Variants in SIN3B observed in about 807,000 individuals in gnomAD.
The protein encoded by SIN3B is SIN3 transcription regulator family member B, also known as paired amphipathic helix protein Sin3b.
In SIN3B, 19 loss-of-function variants were observed where a neutral mutation model predicts 120.2. The observed-to-expected ratio is 0.16, with a 90% CI of 0.11 to 0.23. SIN3B has a LOEUF of 0.23. Ranked by LOEUF, SIN3B falls within the 10% of genes least tolerant of loss-of-function variation. The pLI is 1.00. For synonymous variants in SIN3B, 654 were observed against 653.2 expected, an observed-to-expected ratio of 1.00 and a Z score of -0.02; for missense variants, 1,073 against 1,573.0, an observed-to-expected ratio of 0.68 and a Z score of 5.38.
At chr19:16,829,712 C>T in intron 1 of SIN3B, 79 bp from the exon 2 acceptor site, 1 of 1,411,402 alleles carries the variant, frequency 7.1e-7, no homozygotes, top group Non-Finnish European at 9.9e-7. Context: ...CCAGCCCATC[C>T]CCTTCCCCTC....
At position 16,862,852 on chromosome 19, in the gene SIN3B, G is replaced by A. The variant is rs901012835; in HGVS notation, c.1266+293G>A. The A allele has an allele frequency of 2.7e-5, 42 of 1,528,918 alleles. No individual in the cohort carries two copies. Among genetic ancestry groups the A allele is most frequent in the Non-Finnish European group, 3.3e-5 (36 of 1,102,598 alleles). 94.7% of individuals were successfully genotyped at this position (1,528,918 alleles called of 1,614,324 possible). On this transcript the variant is annotated intron_variant, in intron 9 of 18. Transcript: ENST00000248054. The surrounding 1 kb of genome is among the most constrained non-coding windows in gnomAD (Gnocchi z 4.7). ...TGCTGCCATGATTCTGCTCTGTCCC[G>A]GGCTCACTGACCTCAGTGTGTTTCT... is the stretch of plus-strand genomic sequence containing the variant.
intron 10 of SIN3B, among the ~76,000 whole-genome samples, chr19:16,864,935 A>C (rs1214227333): frequency 6.6e-6 from 1 of 151,932 alleles, no homozygotes; most frequent in African/African-American, 2.4e-5. Context: ...CCTGGGTTCA[A>C]GCGATTCTCC....
Position 16,876,336 on chromosome 19 carries a change from G to T in SIN3B, c.2766+108G>T. 2 of 1,415,988 alleles carry T rather than the reference G, an allele frequency of 1.4e-6. No individual in the cohort carries two copies. Among genetic ancestry groups the T allele is most frequent in the African/African-American group, 1.4e-5 (1 of 71,278 alleles). The allele number at this position is 1,415,988 out of a possible 1,614,324, so 87.7% of individuals were successfully genotyped here. A position where few individuals can be genotyped will look rare whatever the true frequency, so the allele number is the denominator to read the frequency against. On this transcript the variant is annotated intron_variant, in intron 15 of 18. Coordinates refer to ENST00000248054, the MANE Select transcript of SIN3B (RefSeq NM_001297595.2). The surrounding 1 kb of genome is among the most constrained non-coding windows in gnomAD (Gnocchi z 7.1). ...GTTCAGCGGCTGGGACACCGGCCCT[G>T]CTGCAGAGCCCATGAGGTACCTTTG...
At chr19:16,832,930 T>C (rs1426164031) in intron 3 of SIN3B, among the ~76,000 whole-genome samples, 1 of 152,184 alleles carries the variant, frequency 6.6e-6, no homozygotes, top group Non-Finnish European at 1.5e-5. Flanking sequence ...TCAACACTAT[T>C]TCCCATTTAA....
intron 8 of SIN3B, chr19:16,855,461 G>T (rs780834108): frequency 1.3e-5 from 2 of 148,848 alleles, no homozygotes; most frequent in Admixed American, 6.8e-5. Context: ...GGTGGCTCGT[G>T]TGTAATCCCA....
chr19:16,845,637 C>T (rs1971469432), intron 4 of SIN3B, among the ~76,000 whole-genome samples: 1 of 152,240 alleles, frequency 6.6e-6, no homozygotes, highest in Admixed American at 6.5e-5. Flanking sequence ...CCTCTTCTGT[C>T]TGTGTAGTCA....
Position 16,876,509 on chromosome 19 carries a change from G to A in SIN3B, c.2790G>A (p.Gly930=). The change falls in exon 16 of 19, where the codon GGG becomes GGA. Residue 930 remains glycine, a synonymous_variant. Coordinates refer to ENST00000248054, the MANE Select transcript of SIN3B (RefSeq NM_001297595.2). This position sits in a 1 kb window ranked among gnomAD's most constrained non-coding sequence, Gnocchi z 7.1. ...AGGTGATGTTCCTGCAGCGCAAAGG[G>A]CAGGTGATCATGACCATCGAGCTCC... The part of the protein sequence containing the change: ...CFKVMFLQRK[G]QVIMTIELLD... The A allele has an allele frequency of 6.2e-7, 1 of 1,613,402 alleles. No individual in the cohort carries two copies. Among genetic ancestry groups the A allele is most frequent in the Non-Finnish European group, 8.5e-7 (1 of 1,179,918 alleles).
At position 16,870,029 on chromosome 19, in the gene SIN3B, G is replaced by A; in HGVS notation, c.2376G>A (p.Arg792=). The A allele has an allele frequency of 6.2e-7, 1 of 1,611,062 alleles. No homozygotes were observed. Among genetic ancestry groups the A allele is most frequent in the Non-Finnish European group, 8.5e-7 (1 of 1,178,336 alleles). Residue 792 remains arginine (R), a synonymous_variant, in exon 13 of 19, where the codon AGG becomes AGA. Transcript: ENST00000248054. ...AGAAGCTGCTGTGTGAGGGCCGCAG[G>A]GAGAAGGGCAGCGACCCCGCCATGG... is the stretch of plus-strand genomic sequence containing the variant. The part of the protein sequence containing the change: ...EREKLLCEGR[R]EKGSDPAMEL...
In SIN3B at chr19:16,850,606, G is replaced by C. The variant is rs139576511; in HGVS notation, c.727-806G>C. Reference sequence around the variant, plus strand: ...GTCTTTGGGGGTGTCTTTGCATCCAGGTCCTGTGGTGGCAGGGGAAGGCGG... The same window carrying C: ...GTCTTTGGGGGTGTCTTTGCATCCACGTCCTGTGGTGGCAGGGGAAGGCGG... On this transcript the variant is annotated intron_variant, in intron 5 of 18. Coordinates refer to ENST00000248054, the MANE Select transcript of SIN3B (RefSeq NM_001297595.2). Among the ~76,000 whole-genome samples the C allele has an allele frequency of 8.5e-3, 1,297 of 152,226 alleles. 15 individuals are homozygous for C. Among genetic ancestry groups the C allele is most frequent in the African/African-American group, 0.03 (1,237 of 41,544 alleles).
intron 12 of SIN3B, 135 bp from the exon 13 acceptor site, chr19:16,869,325 T>C (rs1467320181): frequency 8.5e-7 from 1 of 1,175,228 alleles, no homozygotes; most frequent in Admixed American, 2.7e-5. Flanking sequence ...GCCTCACCGA[T>C]GTTCGCCACC....
At position 16,879,260 on chromosome 19, in the gene SIN3B, TG is replaced by T. The variant is rs1336187515; in HGVS notation, c.*535del. On this transcript the variant is annotated 3_prime_UTR_variant, in exon 19 of 19. Transcript: ENST00000248054. ...GGTTTGGGCATCAGCTCTGCCTGGCTGGTGTTCAGGCCCTCAGTCACTTTGG... is the reference window on the plus strand; with the variant it reads ...GGTTTGGGCATCAGCTCTGCCTGGCTGTGTTCAGGCCCTCAGTCACTTTGG... 1.3e-5 allele frequency: 2 copies of T among 155,572 alleles called. No homozygotes were observed. The highest frequency in any genetic ancestry group is 4.8e-5 in the African/African-American group (2 of 41,502). The allele number at this position is 155,572 out of a possible 1,614,324, so 9.6% of individuals were successfully genotyped here.
intron 10 of SIN3B, 46 bp from the exon 11 acceptor site, chr19:16,865,364 C>CT (rs780261123): frequency 1.6e-6 from 2 of 1,280,930 alleles, no homozygotes; most frequent in East Asian, 6.4e-5. Flanking sequence ...TCTGAGGCCT[C>CT]TTGAGTTCCC....
rs561744282 is a variant in SIN3B at position 16,878,176 on chromosome 19, C to T, written c.2955-7C>T. 2.1e-4 allele frequency: 332 copies of T among 1,556,768 alleles called. 1 individual carries two copies. In the South Asian group the frequency reaches 3.7e-3, roughly 18 times the overall value. Reference sequence around the variant, plus strand: ...CCAGAGTCCATTCCACCTCCTTTCGCCCCCAGGAACCTCAAGAAGTTCCGC... The same window carrying T: ...CCAGAGTCCATTCCACCTCCTTTCGTCCCCAGGAACCTCAAGAAGTTCCGC... On this transcript the variant is annotated splice_polypyrimidine_tract_variant and splice_region_variant and intron_variant, in intron 17 of 18. Coordinates refer to ENST00000248054, the MANE Select transcript of SIN3B (RefSeq NM_001297595.2).
chr19:16,871,158 A>T, intron 13 of SIN3B, 71 bp from the exon 14 acceptor site: 1 of 1,593,772 alleles, frequency 6.3e-7, no homozygotes, highest in Non-Finnish European at 8.6e-7. Flanking sequence ...GGGCTCTGTC[A>T]TGCCAGAGTT....
rs568857647 is a variant in SIN3B at position 16,879,163 on chromosome 19, G to A, written c.*436G>A. On this transcript the variant is annotated 3_prime_UTR_variant, in exon 19 of 19. Transcript: ENST00000248054. ...GAGACCCTGACAAGGAAGGAGTTGAGCCCTGGGTAGGCTTGCTTGAAAAGT... is the reference window on the plus strand; with the variant it reads ...GAGACCCTGACAAGGAAGGAGTTGAACCCTGGGTAGGCTTGCTTGAAAAGT... The A allele has an allele frequency of 2.1e-5, 4 of 191,158 alleles. No homozygotes were observed. In the East Asian group the frequency reaches 5.9e-4, roughly 28 times the overall value. The allele number at this position is 191,158 out of a possible 1,614,324, so 11.8% of individuals were successfully genotyped here. A position where few individuals can be genotyped will look rare whatever the true frequency, so the allele number is the denominator to read the frequency against.
At chr19:16,858,783 C>T (rs868537967) in intron 8 of SIN3B, among the ~76,000 whole-genome samples, 1 of 152,060 alleles carries the variant, frequency 6.6e-6, no homozygotes. Flanking sequence ...AACCCCTTCT[C>T]TACTAAAAAT....
At position 16,862,736 on chromosome 19, in the gene SIN3B, G is replaced by A; in HGVS notation, c.1266+177G>A. 2 of 958,766 alleles carry A rather than the reference G, an allele frequency of 2.1e-6. No homozygotes were observed. The highest frequency in any genetic ancestry group is 1.4e-5 in the South Asian group (1 of 69,262). 59.4% of individuals were successfully genotyped at this position (958,766 alleles called of 1,614,324 possible). A position where few individuals can be genotyped will look rare whatever the true frequency, so the allele number is the denominator to read the frequency against. Reference sequence around the variant, plus strand: ...AAACCACCTGAGCAGAGACAACAGTGTTGTACCCTGCTGGTAGTTTTGGCA... The same window carrying A: ...AAACCACCTGAGCAGAGACAACAGTATTGTACCCTGCTGGTAGTTTTGGCA... On this transcript the variant is annotated intron_variant, in intron 9 of 18. Coordinates refer to ENST00000248054, the MANE Select transcript of SIN3B (RefSeq NM_001297595.2). The surrounding 1 kb of genome is among the most constrained non-coding windows in gnomAD (Gnocchi z 4.7).
intron 3 of SIN3B, among the ~76,000 whole-genome samples, chr19:16,832,490 G>A (rs60614178): frequency 0.092 from 13,651 of 147,716 alleles, 1,224 homozygotes; most frequent in African/African-American, 0.24. Flanking sequence ...GAGCCACCGT[G>A]CCCAGCCTCC....
intron 3 of SIN3B, among the ~76,000 whole-genome samples, chr19:16,831,972 C>T (rs559747026): frequency 3.5e-4 from 54 of 152,280 alleles, no homozygotes; most frequent in African/African-American, 1.1e-3. Context: ...GCTTTCCCAG[C>T]GAGCATACCA....
Sources: allele counts gnomAD v4.1 joint callset (sites outside exome capture counted in the v4.1 genomes callset), GRCh38; gene constraint gnomAD v4.1.1; non-coding constraint Gnocchi (gnomAD v3.1); transcripts MANE v1.5; gene names NCBI Gene and HGNC (gene_info 2026-07-23, HGNC 2026-07-21).